The following CHST9 variants were observed in gnomAD, a reference collection of about 807,000 sequenced individuals.
The protein encoded by CHST9 is carbohydrate sulfotransferase 9, also known as GalNAc-4-sulfotransferase 2.
In CHST9, 41 loss-of-function variants were observed where a neutral mutation model predicts 44.4. That is an observed-to-expected ratio of 0.92 (90% confidence interval 0.72 to 1.20). CHST9 has a LOEUF of 1.20. Ranked by LOEUF, CHST9 falls within the 50% of genes most tolerant of loss-of-function variation. The pLI, the probability that CHST9 is intolerant of heterozygous loss-of-function variation, is 0.00. For missense variants in CHST9, 504 were observed against 516.5 expected, an observed-to-expected ratio of 0.98 and a Z score of 0.23; for synonymous variants, 171 against 178.4, an observed-to-expected ratio of 0.96 and a Z score of 0.33.
At chr18:27,179,224 C>T (rs1302041372) in intron 1 of CHST9, among the ~76,000 whole-genome samples, 1 of 151,650 alleles carries the variant, frequency 6.6e-6, no homozygotes, top group Non-Finnish European at 1.5e-5. Flanking sequence ...CTTATTGTCA[C>T]CCAAAAAAGA....
At chr18:27,103,993 A>T (rs1261782329) in intron 2 of CHST9, among the ~76,000 whole-genome samples, 1 of 152,228 alleles carries the variant, frequency 6.6e-6, no homozygotes, top group African/African-American at 2.4e-5. Context: ...TTATTTTAAT[A>T]AACTCTAAAT....
At chr18:27,029,696 T>A (rs7228248) in intron 3 of CHST9, among the ~76,000 whole-genome samples, 97,031 of 151,992 alleles carry the variant, frequency 0.64, 31,309 homozygotes, top group East Asian at 0.73. Flanking sequence ...AATGCTATGT[T>A]CATAGTTGTG....
At chr18:27,000,631 T>TAC (rs1568127446) in intron 4 of CHST9, among the ~76,000 whole-genome samples, 40 of 115,132 alleles carry the variant, frequency 3.5e-4, no homozygotes, top group African/African-American at 2.9e-3. Context: ...TGTCTATCTA[T>TAC]CTATCTATCT....
intron 1 of CHST9, among the ~76,000 whole-genome samples, chr18:27,177,692 A>C (rs971668284): frequency 3.3e-5 from 5 of 151,928 alleles, no homozygotes; most frequent in African/African-American, 7.2e-5. Flanking sequence ...AGTTCAGTTT[A>C]GGGTAGCATT....
Position 26,916,228 on chromosome 18 carries a change from T to C in CHST9, c.*31A>G. The C allele has an allele frequency of 1.4e-6, 2 of 1,417,456 alleles. No homozygotes were observed. Among genetic ancestry groups the C allele is most frequent in the East Asian group, 4.6e-5 (2 of 43,542 alleles). 87.8% of individuals were successfully genotyped at this position (1,417,456 alleles called of 1,614,324 possible). A position where few individuals can be genotyped will look rare whatever the true frequency, so the allele number is the denominator to read the frequency against. ...CTGATTTGAACTTATCATCATTAAG[T>C]ATATACAGGGTTTTAGAAAATGAAT... is the stretch of plus-strand genomic sequence containing the variant. On this transcript the variant is annotated 3_prime_UTR_variant, in exon 6 of 6. Transcript: ENST00000618847.
intron 2 of CHST9, among the ~76,000 whole-genome samples, chr18:27,059,674 C>T (rs1170981444): frequency 1.3e-5 from 2 of 152,192 alleles, no homozygotes; most frequent in Non-Finnish European, 2.9e-5. Context: ...TTTCCCCACA[C>T]TCTTAATCAT....
chr18:27,175,237 AGGGG>A (rs2058859391), intron 1 of CHST9, among the ~76,000 whole-genome samples: 2 of 151,816 alleles, frequency 1.3e-5, no homozygotes, highest in Non-Finnish European at 1.5e-5. Flanking sequence ...ATTTTCATAT[AGGGG>A]CCATATGAAT....
chr18:27,143,781 A>C (rs1426546641), intron 1 of CHST9, among the ~76,000 whole-genome samples: 2 of 151,894 alleles, frequency 1.3e-5, no homozygotes, highest in Non-Finnish European at 2.9e-5. Flanking sequence ...ATCACACACC[A>C]GGGCCTCTTG....
At chr18:27,038,963 T>G (rs2057417459) in intron 3 of CHST9, among the ~76,000 whole-genome samples, 1 of 152,208 alleles carries the variant, frequency 6.6e-6, no homozygotes, top group Non-Finnish European at 1.5e-5. Flanking sequence ...CAAAATGTAA[T>G]TTATATATAT....
intron 1 of CHST9, among the ~76,000 whole-genome samples, chr18:27,158,038 A>G (rs959821608): frequency 6.6e-6 from 1 of 152,200 alleles, no homozygotes; most frequent in African/African-American, 2.4e-5. Context: ...AAAGAAATAC[A>G]GTTACAAAAT....
rs867443015 is a variant in CHST9, at chr18:27,153,544, C to G, written c.-96-10639G>C. Among the ~76,000 whole-genome samples, 725 of 95,470 alleles carry G rather than the reference C, an allele frequency of 7.6e-3. 5 individuals carry two copies. Among genetic ancestry groups the G allele is most frequent in the African/African-American group, 0.024 (648 of 26,758 alleles). 62.6% of individuals were successfully genotyped at this position (95,470 alleles called of 152,430 possible). On this transcript the variant is annotated intron_variant, in intron 1 of 5. Transcript: ENST00000618847. ...TCTGTCTTTCTCTCTCTCTCTCTCTCTCTGTGTGTGTGTGTGTGTGTGTAT... is the reference window on the plus strand; with the variant it reads ...TCTGTCTTTCTCTCTCTCTCTCTCTGTCTGTGTGTGTGTGTGTGTGTGTAT...
intron 5 of CHST9, chr18:26,936,157 C>T (rs950170167): frequency 6.6e-6 from 1 of 152,148 alleles, no homozygotes; most frequent in Admixed American, 6.5e-5. Flanking sequence ...ATATACAACA[C>T]GAATTCCACA....
intron 2 of CHST9, among the ~76,000 whole-genome samples, chr18:27,051,652 C>T (rs1485718078): frequency 6.6e-6 from 1 of 152,188 alleles, no homozygotes; most frequent in Non-Finnish European, 1.5e-5. Flanking sequence ...GTCAAGCCTT[C>T]AGCTGACAGC....
chr18:26,927,587 A>G (rs972916973), intron 5 of CHST9, among the ~76,000 whole-genome samples: 1 of 152,174 alleles, frequency 6.6e-6, no homozygotes, highest in Non-Finnish European at 1.5e-5. Flanking sequence ...TTTGATGTGC[A>G]TATACATAAA....
At chr18:26,995,905 A>C (rs902283776) in intron 4 of CHST9, among the ~76,000 whole-genome samples, 8 of 152,238 alleles carry the variant, frequency 5.3e-5, no homozygotes, top group South Asian at 4.2e-4. Context: ...AAAATAAATC[A>C]GCTGCAATTT....
In CHST9 at chr18:26,912,651, A is replaced by G. The variant is rs921541874; in HGVS notation, c.*3608T>C. The G allele has an allele frequency of 6.6e-6, 1 of 152,116 alleles. No homozygotes were observed. Among genetic ancestry groups the G allele is most frequent in the Non-Finnish European group, 1.5e-5 (1 of 68,036 alleles). The allele number at this position is 152,116 out of a possible 1,614,324, so 9.4% of individuals were successfully genotyped here. A position where few individuals can be genotyped will look rare whatever the true frequency, so the allele number is the denominator to read the frequency against. On this transcript the variant is annotated 3_prime_UTR_variant, in exon 6 of 6. Transcript: ENST00000618847. ...TCTGCTTTACTTTCCTTTATGATAG[A>G]TGGAAAGGGAGAGGGCTACATAATA...
chr18:27,134,037 A>G (rs1031914607), intron 2 of CHST9, among the ~76,000 whole-genome samples: 3 of 152,242 alleles, frequency 2.0e-5, no homozygotes, highest in Admixed American at 1.3e-4. Context: ...CAGTAAACAT[A>G]AAGTCCTTCT....
At chr18:26,955,212 C>T (rs1415037854) in intron 4 of CHST9, among the ~76,000 whole-genome samples, 3 of 143,326 alleles carry the variant, frequency 2.1e-5, no homozygotes, top group Non-Finnish European at 4.5e-5. Flanking sequence ...ACAGGAATTA[C>T]ACCAGAATTC....
chr18:27,148,693 T>C (rs1408131837), intron 1 of CHST9, among the ~76,000 whole-genome samples: 2 of 148,390 alleles, frequency 1.3e-5, no homozygotes, highest in East Asian at 4.1e-4. Context: ...GTCTTTGCTA[T>C]TGTGAATAGT....
Sources: allele counts gnomAD v4.1 joint callset (sites outside exome capture counted in the v4.1 genomes callset), GRCh38; gene constraint gnomAD v4.1.1; transcripts MANE v1.5; gene names NCBI Gene and HGNC (gene_info 2026-07-23, HGNC 2026-07-21).